The following ABCG2 variants were observed in gnomAD, a reference collection of about 807,000 sequenced individuals.
The protein encoded by ABCG2 is ATP binding cassette subfamily G member 2 (JR blood group), also known as broad substrate specificity ATP-binding cassette transporter ABCG2.
ABCG2 carries 80 observed loss-of-function variants against 73.5 expected under a neutral mutation model. The ratio of observed to expected loss-of-function variants is 1.09; its 90% CI spans 0.91 to 1.31. The LOEUF (loss-of-function observed/expected upper bound fraction) is 1.31, where lower values mean the gene tolerates loss of function less well. Ranked by LOEUF, ABCG2 falls within the 50% of genes most tolerant of loss-of-function variation. The pLI, the probability that ABCG2 is intolerant of heterozygous loss-of-function variation, is 0.00. For missense variants in ABCG2, 796 were observed against 786.2 expected, an observed-to-expected ratio of 1.01 and a Z score of -0.15; for synonymous variants, 269 against 282.4, an observed-to-expected ratio of 0.95 and a Z score of 0.48.
At chr4:88,137,442 T>C (rs1446139587) in intron 2 of ABCG2, among the ~76,000 whole-genome samples, 3 of 152,188 alleles carry the variant, frequency 2.0e-5, no homozygotes, top group Non-Finnish European at 2.9e-5. Flanking sequence ...TATAGCCAAG[T>C]TTGGCAGACA....
At chr4:88,159,662 C>T (rs1471902313), upstream of ABCG2, among the ~76,000 whole-genome samples, 1 of 152,150 alleles carries the variant, frequency 6.6e-6, no homozygotes, top group Non-Finnish European at 1.5e-5. Context: ...AAACAAAAAT[C>T]ATAGTATCAT....
chr4:88,185,008 T>C (rs1728393682), intron 1 of ABCG2, among the ~76,000 whole-genome samples: 1 of 152,164 alleles, frequency 6.6e-6, no homozygotes, highest in Non-Finnish European at 1.5e-5. Flanking sequence ...GAAGAATGAA[T>C]CTAGACCCCT....
upstream of ABCG2, chr4:88,158,760 C>G (rs1378369011): frequency 2.1e-5 from 8 of 377,244 alleles, no homozygotes; most frequent in Admixed American, 3.3e-5. Context: ...GCGCGGCGGC[C>G]GGCGTGGGAG....
At chr4:88,158,117 T>C (rs548428406) in intron 1 of ABCG2, among the ~76,000 whole-genome samples, 1 of 152,322 alleles carries the variant, frequency 6.6e-6, no homozygotes, top group South Asian at 2.1e-4. Context: ...ATTTCATACA[T>C]TTGGAGAAAG....
rs997110560 is a variant in ABCG2 at position 88,185,724 on chromosome 4, G to A, written c.-20+45270C>T. ...GAACAGACATTTCTCAAAAGAAGACGCACGAATGGCAAACAAGTAAATGAA... is the reference window on the plus strand; with the variant it reads ...GAACAGACATTTCTCAAAAGAAGACACACGAATGGCAAACAAGTAAATGAA... On this transcript the variant is annotated intron_variant, in intron 1 of 15. Coordinates refer to the ABCG2 transcript ENST00000515655. 5.8e-4 allele frequency among the ~76,000 whole-genome samples: 88 copies of A among 152,108 alleles called. 1 individual carries two copies. The highest frequency in any genetic ancestry group is 4.0e-3 in the Admixed American group (61 of 15,264).
chr4:88,190,017 T>C (rs886951299), intron 1 of ABCG2, among the ~76,000 whole-genome samples: 2 of 152,196 alleles, frequency 1.3e-5, no homozygotes, highest in Non-Finnish European at 2.9e-5. Flanking sequence ...TTTAAAGGAA[T>C]ATACAAAAAG....
At chr4:88,117,748 G>A (rs771564139) in intron 7 of ABCG2, among the ~76,000 whole-genome samples, 9 of 152,182 alleles carry the variant, frequency 5.9e-5, no homozygotes, top group Non-Finnish European at 1.0e-4. Context: ...TGGTCAAGAA[G>A]ACAATCATAT....
chr4:88,119,104 T>G (rs1057176387), intron 6 of ABCG2, among the ~76,000 whole-genome samples: 1 of 152,310 alleles, frequency 6.6e-6, no homozygotes, highest in South Asian at 2.1e-4. Context: ...AGTTCCCCCA[T>G]ACTGTTCTCG....
intron 1 of ABCG2, among the ~76,000 whole-genome samples, chr4:88,205,178 T>G (rs1043755547): frequency 1.3e-5 from 2 of 152,228 alleles, no homozygotes; most frequent in Non-Finnish European, 2.9e-5. Flanking sequence ...CAAATTCCAC[T>G]GGCAGAGAAC....
At chr4:88,180,271 T>C (rs1728179355) in intron 1 of ABCG2, among the ~76,000 whole-genome samples, 1 of 152,154 alleles carries the variant, frequency 6.6e-6, no homozygotes, top group African/African-American at 2.4e-5. Context: ...TGACATGACA[T>C]ATTTAAAGTG....
intron 1 of ABCG2, chr4:88,201,818 A>G (rs1299339034): frequency 6.6e-6 from 1 of 152,186 alleles, no homozygotes; most frequent in African/African-American, 2.4e-5. Context: ...TAATAAAAAC[A>G]TATTTTTTAA....
At chr4:88,155,442 A>G (rs1726873587) in intron 1 of ABCG2, among the ~76,000 whole-genome samples, 1 of 152,172 alleles carries the variant, frequency 6.6e-6, no homozygotes, top group Non-Finnish European at 1.5e-5. Flanking sequence ...CAGAAGGAGG[A>G]ATTTCACAAG....
At position 88,139,954 on chromosome 4, in the gene ABCG2, T is replaced by C. The variant is rs146682354; in HGVS notation, c.42A>G (p.Gln14=). ...TCGCGGGGAAGCCATTGGTGTTTCC[T>C]TGTGACACTGGGATAAAAACTTCGA... is the stretch of plus-strand genomic sequence containing the variant. ...SNVEVFIPVS[Q]GNTNGFPATA... The change falls in exon 2 of 16, where the codon CAA becomes CAG. Residue 14 remains glutamine, a synonymous_variant. Coordinates refer to ENST00000237612, the MANE Select transcript of ABCG2 (RefSeq NM_004827.3). 2.0e-5 allele frequency: 32 copies of C among 1,614,052 alleles called. No individual in the cohort carries two copies. The highest frequency in any genetic ancestry group is 4.4e-5 in the South Asian group (4 of 91,078).
chr4:88,211,358 GCC>G (rs1264405228), intron 1 of ABCG2, among the ~76,000 whole-genome samples: 1 of 33,648 alleles, frequency 3.0e-5, no homozygotes, highest in African/African-American at 1.1e-4. Flanking sequence ...TTCAACCCCT[GCC>G]CCACCCCCCC....
At chr4:88,186,836 G>A (rs1321416624) in intron 1 of ABCG2, among the ~76,000 whole-genome samples, 3 of 146,494 alleles carry the variant, frequency 2.0e-5, no homozygotes, top group African/African-American at 7.6e-5. Flanking sequence ...GGAGAATGGC[G>A]TGAACCCGGG....
Position 88,109,062 on chromosome 4 carries a change from G to A in ABCG2, c.1195-1796C>T, listed in dbSNP as rs150258380. Among the ~76,000 whole-genome samples, 490 of 149,522 alleles carry A rather than the reference G, an allele frequency of 3.3e-3. 1 individual carries two copies. The highest frequency in any genetic ancestry group is 5.7e-3 in the Non-Finnish European group (385 of 67,706). On this transcript the variant is annotated intron_variant, in intron 9 of 15. Coordinates refer to ENST00000237612, the MANE Select transcript of ABCG2 (RefSeq NM_004827.3). The stretch of plus-strand genomic sequence containing the variant: ...TGCCCTGGCTGGAGTGCAATGGCGC[G>A]ATCTCGGCTCACTGTAACCTCCAGC...
intron 1 of ABCG2, among the ~76,000 whole-genome samples, chr4:88,226,022 C>T (rs566746127): frequency 6.6e-6 from 1 of 152,128 alleles, no homozygotes; most frequent in Admixed American, 6.5e-5. Flanking sequence ...GGGTCCCTCC[C>T]ACAACACATG....
intron 1 of ABCG2, among the ~76,000 whole-genome samples, chr4:88,188,808 G>A (rs34160406): frequency 0.28 from 43,079 of 151,770 alleles, 6,727 homozygotes; most frequent in Middle Eastern, 0.42. Flanking sequence ...GAGCTCAGGA[G>A]TTCAAGACCA....
chr4:88,152,689 AGG>A (rs891283213), intron 1 of ABCG2, among the ~76,000 whole-genome samples: 4 of 152,210 alleles, frequency 2.6e-5, no homozygotes, highest in African/African-American at 9.6e-5. Context: ...TGCAGGTCAC[AGG>A]GGATATGATG....
Sources: gnomAD v4.1 joint callset for allele counts (sites outside exome capture counted in the v4.1 genomes callset) on GRCh38, gnomAD v4.1.1 for gene constraint, MANE v1.5 for transcripts, NCBI Gene and HGNC (gene_info 2026-07-23, HGNC 2026-07-21) for gene names.